Variants in PPP1R16B observed in about 807,000 individuals in gnomAD.
PPP1R16B encodes protein phosphatase 1 regulatory subunit 16B, also known as protein phosphatase 1 regulatory inhibitor subunit 16B.
In PPP1R16B, 14 loss-of-function variants were observed where a neutral mutation model predicts 61.7. The ratio of observed to expected loss-of-function variants is 0.23; its 90% CI spans 0.15 to 0.35. The LOEUF is 0.35. Ranked by LOEUF, PPP1R16B falls within the 10% of genes least tolerant of loss-of-function variation. The pLI is 1.00. For synonymous variants in PPP1R16B, 266 were observed against 305.3 expected (o/e 0.87, Z 1.34); for missense variants, 547 against 752.5 (o/e 0.73, Z 3.19).
chr20:38,861,938 G>A (rs2145737677), intron 2 of PPP1R16B, among the ~76,000 whole-genome samples: 1 of 152,086 alleles, frequency 6.6e-6, no homozygotes, highest in East Asian at 1.9e-4. Flanking sequence ...GCCTCCCAAA[G>A]TGCTGGGATT....
chr20:38,875,817 C>T (rs2085161690), intron 2 of PPP1R16B, among the ~76,000 whole-genome samples: 1 of 151,882 alleles, frequency 6.6e-6, no homozygotes, highest in African/African-American at 2.4e-5. Flanking sequence ...GCACCTTTCA[C>T]TTCTTGACAG....
intron 2 of PPP1R16B, among the ~76,000 whole-genome samples, chr20:38,879,298 G>C (rs572689620): frequency 2.0e-5 from 3 of 152,216 alleles, no homozygotes; most frequent in South Asian, 4.2e-4. Context: ...AGGGTCCAAG[G>C]CACACAGTCT....
chr20:38,836,944 A>G (rs1037567472), intron 2 of PPP1R16B, among the ~76,000 whole-genome samples: 7 of 152,202 alleles, frequency 4.6e-5, no homozygotes, highest in Non-Finnish European at 8.8e-5. Flanking sequence ...CTTCTTTTGC[A>G]TTACTTTCCT....
intron 10 of PPP1R16B, among the ~76,000 whole-genome samples, chr20:38,914,222 G>A (rs1267479246): frequency 6.6e-6 from 1 of 152,056 alleles, no homozygotes; most frequent in Non-Finnish European, 1.5e-5. Context: ...TTTAATTTCG[G>A]TTGATAAATT....
At chr20:38,874,110 G>A (rs1214055510) in intron 2 of PPP1R16B, among the ~76,000 whole-genome samples, 1 of 152,194 alleles carries the variant, frequency 6.6e-6, no homozygotes, top group Non-Finnish European at 1.5e-5. Flanking sequence ...CACTGGGGGA[G>A]GGAACTGGAC....
intron 1 of PPP1R16B, among the ~76,000 whole-genome samples, chr20:38,821,558 T>A (rs897857990): frequency 1.3e-5 from 2 of 152,234 alleles, no homozygotes; most frequent in African/African-American, 4.8e-5. Context: ...CCCCAAAGGC[T>A]GCCTAGACCC....
At chr20:38,864,683 C>G (rs2085078109) in intron 2 of PPP1R16B, among the ~76,000 whole-genome samples, 1 of 152,042 alleles carries the variant, frequency 6.6e-6, no homozygotes, top group African/African-American at 2.4e-5. Flanking sequence ...GTCACAGGAC[C>G]TCATTCACCC....
intron 3 of PPP1R16B, among the ~76,000 whole-genome samples, chr20:38,892,495 A>G (rs1314790488): frequency 6.6e-6 from 1 of 151,940 alleles, no homozygotes; most frequent in Non-Finnish European, 1.5e-5. Flanking sequence ...TTAGCCTGTG[A>G]GCTTCCATTT....
intron 6 of PPP1R16B, 100 bp from the exon 7 acceptor site, chr20:38,905,869 C>T: frequency 8.2e-7 from 1 of 1,218,936 alleles, no homozygotes; most frequent in Non-Finnish European, 1.1e-6. Flanking sequence ...ATTCTACTGG[C>T]CCCAAGGATG....
At chr20:38,909,554 G>A (rs2085472664) in intron 10 of PPP1R16B, among the ~76,000 whole-genome samples, 1 of 152,176 alleles carries the variant, frequency 6.6e-6, no homozygotes, top group Admixed American at 6.5e-5. Flanking sequence ...TGAGGATGAG[G>A]GAGAAGTTAA....
rs190261321 is a variant in PPP1R16B at position 38,811,069 on chromosome 20, G to C, written c.-102+5277G>C. On this transcript the variant is annotated intron_variant, in intron 1 of 10. Transcript: ENST00000299824. ...TTCCTGGGTGCAGACGCTTTGTGGG[G>C]AGGTGTTCTTGGATGTCTCAGAATC... Among the ~76,000 whole-genome samples, 18 of 152,250 alleles carry C rather than the reference G, an allele frequency of 1.2e-4. No individual in the cohort carries two copies. The East Asian group carries it at 3.5e-3, about 29-fold the overall frequency.
chr20:38,812,897 C>T (rs1455812708), intron 1 of PPP1R16B, among the ~76,000 whole-genome samples: 2 of 152,138 alleles, frequency 1.3e-5, no homozygotes, highest in East Asian at 3.8e-4. Flanking sequence ...ATATGGATCC[C>T]CTTTGGTTTC....
chr20:38,898,916 A>G (rs1478785988), intron 4 of PPP1R16B, among the ~76,000 whole-genome samples: 1 of 152,236 alleles, frequency 6.6e-6, no homozygotes, highest in Admixed American at 6.5e-5. Context: ...AATAATTGGT[A>G]TCACCCAGAG....
At chr20:38,854,805 C>G (rs1234753397) in intron 2 of PPP1R16B, among the ~76,000 whole-genome samples, 1 of 152,154 alleles carries the variant, frequency 6.6e-6, no homozygotes, top group African/African-American at 2.4e-5. Flanking sequence ...CTATCATCTG[C>G]CAGTAGCCTC....
At chr20:38,817,010 G>T (rs533237083) in intron 1 of PPP1R16B, among the ~76,000 whole-genome samples, 15 of 152,146 alleles carry the variant, frequency 9.9e-5, no homozygotes, top group Admixed American at 2.0e-4. Flanking sequence ...TCAGTCTCTT[G>T]GCCAGCCTCC....
At chr20:38,905,874 A>C in intron 6 of PPP1R16B, 95 bp from the exon 7 acceptor site, 1 of 1,293,924 alleles carries the variant, frequency 7.7e-7, no homozygotes. Context: ...ACTGGCCCCA[A>C]GGATGCTGTG....
intron 2 of PPP1R16B, among the ~76,000 whole-genome samples, chr20:38,856,951 G>A (rs773984055): frequency 1.3e-5 from 2 of 152,226 alleles, no homozygotes; most frequent in African/African-American, 2.4e-5. Flanking sequence ...TGGTTTGGGA[G>A]TGAAAGCTCA....
At chr20:38,912,546 T>G (rs1316520043) in intron 10 of PPP1R16B, among the ~76,000 whole-genome samples, 1 of 147,926 alleles carries the variant, frequency 6.8e-6, no homozygotes, top group Admixed American at 6.8e-5. Flanking sequence ...TGTGATGGTG[T>G]GTACCTGTAG....
intron 1 of PPP1R16B, among the ~76,000 whole-genome samples, chr20:38,814,764 C>T (rs184959202): frequency 6.6e-6 from 1 of 152,206 alleles, no homozygotes; most frequent in Non-Finnish European, 1.5e-5. Context: ...CTGTGCCAGC[C>T]TGGAGAGTTC....
Sources: gnomAD v4.1 joint callset for allele counts (sites outside exome capture counted in the v4.1 genomes callset) on GRCh38, gnomAD v4.1.1 for gene constraint, MANE v1.5 for transcripts, NCBI Gene and HGNC (gene_info 2026-07-23, HGNC 2026-07-21) for gene names.